Variants in XDH observed in about 807,000 individuals in gnomAD.
XDH encodes the protein xanthine dehydrogenase.
Under a neutral mutation model 156.1 loss-of-function variants are expected in XDH, and 138 were observed. That is an observed-to-expected ratio of 0.88 (90% CI 0.77 to 1.02). The LOEUF is 1.02. Ranked by LOEUF, XDH falls within the 50% of genes least tolerant of loss-of-function variation. The pLI, the probability that XDH is intolerant of heterozygous loss-of-function variation, is 0.00. For synonymous variants in XDH, 669 were observed against 625.7 expected (o/e 1.07, Z -1.03); for missense variants, 1,849 against 1,684.9 (o/e 1.10, Z -1.71).
In XDH at chr2:31,375,522, C is replaced by A; in HGVS notation, c.1460G>T (p.Cys487Phe). The change falls in exon 15 of 36, where the codon TGT (cysteine) becomes TTT (phenylalanine). Residue 487 changes from cysteine to phenylalanine, a missense_variant. Physicochemically the swap from Cys to Phe is radical, Grantham distance 205. Coordinates refer to ENST00000379416, the MANE Select transcript of XDH (RefSeq NM_000379.4). ...LWKEELLQDVCAGLAEELHLP... is the reference protein window; with the variant it reads ...LWKEELLQDVFAGLAEELHLP... The stretch of plus-strand genomic sequence containing the variant: ...ATGCAGCTCCTCTGCCAGTCCTGCA[C>A]ACACGTCCTGCAGCAGCTCCTCCTT... The A allele has an allele frequency of 6.2e-7, 1 of 1,613,940 alleles. No homozygotes were observed. Among genetic ancestry groups the A allele is most frequent in the Non-Finnish European group, 8.5e-7 (1 of 1,180,044 alleles).
intron 22 of XDH, 84 bp downstream of exon 22, chr2:31,365,892 G>A: frequency 2.5e-6 from 4 of 1,600,136 alleles, no homozygotes; most frequent in African/African-American, 1.3e-5. Context: ...TTCTAACAGG[G>A]GGAAGTCCTG....
At chr2:31,353,378 T>C (rs940771404) in intron 24 of XDH, among the ~76,000 whole-genome samples, 1 of 152,200 alleles carries the variant, frequency 6.6e-6, no homozygotes, top group African/African-American at 2.4e-5. Flanking sequence ...AACATTGAAG[T>C]ATATACAGAG....
At chr2:31,405,862 C>A (rs748354135) in intron 2 of XDH, 45 bp downstream of exon 2, 1 of 1,609,148 alleles carries the variant, frequency 6.2e-7, no homozygotes, top group South Asian at 1.1e-5. Context: ...GAATCAGTCA[C>A]CATTGCCCCC....
intron 33 of XDH, 28 bp downstream of exon 33, chr2:31,341,301 T>C: frequency 6.4e-7 from 1 of 1,556,110 alleles, no homozygotes; most frequent in Non-Finnish European, 8.7e-7. Context: ...GCCAAGTCTG[T>C]CACCACCCTG....
intron 30 of XDH, among the ~76,000 whole-genome samples, chr2:31,346,368 T>C (rs1685292040): frequency 6.6e-6 from 1 of 152,154 alleles, no homozygotes; most frequent in Non-Finnish European, 1.5e-5. Context: ...CTCAGTAGAC[T>C]CAGACTCAAG....
Position 31,350,214 on chromosome 2 carries a change from G to C in XDH, c.2641C>G (p.Arg881Gly). 1 of 1,614,072 alleles carries C rather than the reference G, an allele frequency of 6.2e-7. No individual in the cohort carries two copies. Among genetic ancestry groups the C allele is most frequent in the Non-Finnish European group, 8.5e-7 (1 of 1,180,006 alleles). The change falls in exon 25 of 36, where the codon CGA becomes GGA. Residue 881 changes from arginine to glycine, a missense_variant. Physicochemically the swap from Arg to Gly is moderately radical, Grantham distance 125 (BLOSUM62 -2). Coordinates refer to ENST00000379416, the MANE Select transcript of XDH (RefSeq NM_000379.4). ...CAGTTGTCCATGTGGAATAAAGCTC[G>C]TTCCATAATCTGAAGCAGAGGAAAC... ...TQDLSQSIME[R>G]ALFHMDNCYK...
chr2:31,366,260 T>A, intron 21 of XDH, 151 bp from the exon 22 acceptor site: 1 of 1,401,284 alleles, frequency 7.1e-7, no homozygotes, highest in Non-Finnish European at 1.0e-6. Context: ...TTGTGGTTAG[T>A]GATGCTGGGG....
In XDH at chr2:31,350,961, T is replaced by C. The variant is rs571307877; in HGVS notation, c.2632-738A>G. 7.4e-4 allele frequency among the ~76,000 whole-genome samples: 113 copies of C among 152,294 alleles called. 4 individuals carry two copies. In the South Asian group the frequency reaches 0.02, roughly 27 times the overall value. ...CAGAAGCAACTACTTACAATTCTCA[T>C]AGCTTATCATCTATCAGCTATTTAG... On this transcript the variant is annotated intron_variant, in intron 24 of 35. Transcript: ENST00000379416.
intron 8 of XDH, among the ~76,000 whole-genome samples, chr2:31,387,250 G>A (rs1235876325): frequency 6.6e-6 from 1 of 152,190 alleles, no homozygotes; most frequent in Non-Finnish European, 1.5e-5. Context: ...ACTCTGAGAA[G>A]TGTGCACTTC....
intron 31 of XDH, 36 bp downstream of exon 31, chr2:31,344,648 A>G (rs201524749): frequency 6.8e-6 from 11 of 1,613,414 alleles, no homozygotes; most frequent in East Asian, 2.2e-5. Flanking sequence ...GGACGACATC[A>G]CACTATGAGC....
At chr2:31,345,679 G>A (rs1339566540) in intron 30 of XDH, among the ~76,000 whole-genome samples, 3 of 152,068 alleles carry the variant, frequency 2.0e-5, no homozygotes, top group Non-Finnish European at 4.4e-5. Context: ...TAATGTGCGT[G>A]TGCATGTGTG....
intron 20 of XDH, among the ~76,000 whole-genome samples, chr2:31,367,434 T>C (rs969180761): frequency 2.5e-4 from 38 of 152,204 alleles, no homozygotes; most frequent in African/African-American, 8.7e-4. Flanking sequence ...GTTGGCTTCA[T>C]AGTGACTTTG....
chr2:31,410,849 C>A (rs375117053), intron 1 of XDH, among the ~76,000 whole-genome samples: 2 of 152,150 alleles, frequency 1.3e-5, no homozygotes, highest in Admixed American at 6.5e-5. Context: ...AACTGCAAGG[C>A]GTAATCTTGG....
chr2:31,410,406 TA>T (rs1469769354), intron 1 of XDH, among the ~76,000 whole-genome samples: 1 of 152,126 alleles, frequency 6.6e-6, no homozygotes, highest in African/African-American at 2.4e-5. Context: ...AAAAATTATT[TA>T]AAAAAAGAAT....
intron 2 of XDH, among the ~76,000 whole-genome samples, chr2:31,403,577 T>C (rs2148008334): frequency 6.6e-6 from 1 of 152,260 alleles, no homozygotes; most frequent in East Asian, 1.9e-4. Context: ...TGATCTGTTC[T>C]GGGACCTCTG....
intron 24 of XDH, among the ~76,000 whole-genome samples, chr2:31,353,202 T>A (rs1685529802): frequency 6.6e-6 from 1 of 152,176 alleles, no homozygotes; most frequent in South Asian, 2.1e-4. Context: ...TATTCCAAGT[T>A]CATCTCCCAA....
intron 16 of XDH, among the ~76,000 whole-genome samples, chr2:31,372,994 T>A (rs1278796775): frequency 6.6e-6 from 1 of 152,238 alleles, no homozygotes; most frequent in African/African-American, 2.4e-5. Context: ...AAGTTCTGTT[T>A]TTGTTTTACA....
Position 31,341,319 on chromosome 2 carries a change from T to C in XDH, c.3585+10A>G. On this transcript the variant is annotated intron_variant, in intron 33 of 35. Transcript: ENST00000379416. ...AAGTCTGTCACCACCCTGGTCCCAC[T>C]GAGCCTCACCTGTCCAATATCAATG... is the stretch of plus-strand genomic sequence containing the variant. 1 of 1,565,296 alleles carries C rather than the reference T, an allele frequency of 6.4e-7. No homozygotes were observed. The highest frequency in any genetic ancestry group is 8.7e-7 in the Non-Finnish European group (1 of 1,152,638).
intron 18 of XDH, 41 bp from the exon 19 acceptor site, chr2:31,368,701 C>A: frequency 6.2e-7 from 1 of 1,614,166 alleles, no homozygotes; most frequent in Non-Finnish European, 8.5e-7. Context: ...CAACCAGGCT[C>A]ATGGTGAAAC....
Sources: allele counts gnomAD v4.1 joint callset (sites outside exome capture counted in the v4.1 genomes callset), GRCh38; gene constraint gnomAD v4.1.1; transcripts MANE v1.5; gene names NCBI Gene and HGNC (gene_info 2026-07-23, HGNC 2026-07-21).